The following MOK variants were observed in gnomAD, a reference collection of about 807,000 sequenced individuals.
MOK encodes MOK protein kinase.
In MOK, 59 loss-of-function variants were observed where a neutral mutation model predicts 54.2. The ratio of observed to expected loss-of-function variants is 1.09; its 90% confidence interval spans 0.88 to 1.35. The LOEUF (loss-of-function observed/expected upper bound fraction) is 1.35. Among genes scored for constraint, MOK ranks in the 40% most tolerant of loss-of-function variants. The pLI is 0.00. For synonymous variants in MOK, 210 were observed against 202.7 expected (o/e 1.04, Z -0.31); for missense variants, 517 against 526.2 (o/e 0.98, Z 0.17).
chr14:102,222,130 A>G (rs566358433), downstream of MOK, among the ~76,000 whole-genome samples: 117 of 139,336 alleles, frequency 8.4e-4, no homozygotes, highest in Non-Finnish European at 1.5e-3. The surrounding 1 kb of genome is among the most constrained non-coding windows in gnomAD (Gnocchi z 4.4). Flanking sequence ...GAGCCGCCCT[A>G]AAGAGCCAGA....
intron 2 of MOK, among the ~76,000 whole-genome samples, chr14:102,273,286 A>C (rs2068550891): frequency 6.6e-6 from 1 of 152,078 alleles, no homozygotes; most frequent in Non-Finnish European, 1.5e-5. Context: ...AGAACAAAAA[A>C]AAAAAAAAAA....
At position 102,280,225 on chromosome 14, in the gene MOK, G is replaced by A. The variant is rs574754747; in HGVS notation, c.122+3253C>T. ...CGGCTTCCTTGTCAAAGAAGGCAGA[G>A]TGAGACAGGGTCTCACTCTGTCACC... On this transcript the variant is annotated intron_variant, in intron 2 of 11. Coordinates refer to ENST00000361847, the MANE Select transcript of MOK (RefSeq NM_014226.3). Among the ~76,000 whole-genome samples the A allele has an allele frequency of 3.9e-5, 6 of 151,958 alleles. No homozygotes were observed. The South Asian group carries it at 6.2e-4, about 16-fold the overall frequency.
At chr14:102,244,488 C>T (rs1320370072) in intron 7 of MOK, among the ~76,000 whole-genome samples, 1 of 152,186 alleles carries the variant, frequency 6.6e-6, no homozygotes, top group Non-Finnish European at 1.5e-5. Context: ...GAAATCTATC[C>T]TCAAGGAAAT....
chr14:102,297,047 G>C (rs1389337326), intron 1 of MOK, among the ~76,000 whole-genome samples: 1 of 151,658 alleles, frequency 6.6e-6, no homozygotes, highest in Admixed American at 6.6e-5. Flanking sequence ...AACACAGCGA[G>C]ACTCTGTCTC....
intron 1 of MOK, among the ~76,000 whole-genome samples, chr14:102,291,971 C>A (rs544979635): frequency 6.9e-6 from 1 of 144,830 alleles, no homozygotes; most frequent in Non-Finnish European, 1.5e-5. Context: ...AAAAAAAAAA[C>A]TAACAATAAT....
At chr14:102,285,622 C>T (rs1214332032) in intron 1 of MOK, among the ~76,000 whole-genome samples, 2 of 152,046 alleles carry the variant, frequency 1.3e-5, no homozygotes, top group South Asian at 2.1e-4. Flanking sequence ...TATCCCTGGC[C>T]GGCTCACACC....
At chr14:102,299,331 T>C (rs932051098) in intron 1 of MOK, among the ~76,000 whole-genome samples, 17 of 152,226 alleles carry the variant, frequency 1.1e-4, no homozygotes, top group Middle Eastern at 3.4e-3. Flanking sequence ...CTGGCCAACA[T>C]GGTGAAACCC....
intron 6 of MOK, 64 bp downstream of exon 6, chr14:102,251,692 T>G (rs1053859498): frequency 8.8e-6 from 12 of 1,364,740 alleles, no homozygotes; most frequent in Non-Finnish European, 1.1e-5. Context: ...GGAGAAAACC[T>G]TTCGGGAAAG....
rs71116891 is a variant in MOK at position 102,261,254 on chromosome 14, C to CA, written c.283+2291dup. Among the ~76,000 whole-genome samples, 62 of 86,808 alleles carry CA rather than the reference C, an allele frequency of 7.1e-4. 3 individuals are homozygous for CA. Among genetic ancestry groups the CA allele is most frequent in the East Asian group, 1.2e-3 (4 of 3,228 alleles). 56.9% of individuals were successfully genotyped at this position (86,808 alleles called of 152,430 possible). A position where few individuals can be genotyped will look rare whatever the true frequency, so the allele number is the denominator to read the frequency against. On this transcript the variant is annotated intron_variant, in intron 4 of 11. Coordinates refer to ENST00000361847, the MANE Select transcript of MOK (RefSeq NM_014226.3). Reference sequence around the variant, plus strand: ...TGGCAACAGAGCGAGACTCTGCCTACAAAAAAAAAAAAAAATTAGCCAAGT... The same window carrying CA: ...TGGCAACAGAGCGAGACTCTGCCTACAAAAAAAAAAAAAAAATTAGCCAAGT...
rs764094945 is a variant in MOK, at chr14:102,256,818, C to G, written c.284-4823G>C. Among the ~76,000 whole-genome samples, 4 of 152,180 alleles carry G rather than the reference C, an allele frequency of 2.6e-5. No homozygotes were observed. The East Asian group carries it at 7.7e-4, about 29-fold the overall frequency. ...TATGAGGGAAACTAAACCTCCTTTA[C>G]GGTTTTTCCTTCATAAATTCCAAGA... On this transcript the variant is annotated intron_variant, in intron 4 of 11. Transcript: ENST00000361847.
chr14:102,286,999 G>T (rs915483770), intron 1 of MOK, among the ~76,000 whole-genome samples: 1 of 151,868 alleles, frequency 6.6e-6, no homozygotes, highest in East Asian at 1.9e-4. Flanking sequence ...TCTGTCTGAG[G>T]TTACAGGTGT....
At chr14:102,274,843 TG>T (rs2068706110) in intron 2 of MOK, among the ~76,000 whole-genome samples, 1 of 151,620 alleles carries the variant, frequency 6.6e-6, no homozygotes, top group South Asian at 2.1e-4. Flanking sequence ...GGCATGGTGG[TG>T]GGTGCCTGTA....
At chr14:102,229,861 G>T (rs950993289) in intron 10 of MOK, 16 of 581,212 alleles carry the variant, frequency 2.8e-5, no homozygotes, top group Non-Finnish European at 4.2e-5. Context: ...CAAACCTTCA[G>T]GGGGAACCTG....
At chr14:102,239,150 T>A (rs2065475675) in intron 7 of MOK, among the ~76,000 whole-genome samples, 1 of 152,034 alleles carries the variant, frequency 6.6e-6, no homozygotes, top group African/African-American at 2.4e-5. Context: ...CCAACAGCTC[T>A]CCCAGTCCCT....
In MOK at chr14:102,231,823, T is replaced by G. The variant is rs1054183630; in HGVS notation, c.867-2A>C. ...CCCAGAGCCCGCTTCTCTGTTTTCC[T>G]ACGGGGAAGGAGAAGAGAATGGAGC... On this transcript the variant is annotated splice_acceptor_variant, in intron 9 of 11. Transcript: ENST00000361847. LOFTEE classifies it high-confidence loss of function. This position sits in a 1 kb window ranked among gnomAD's most constrained non-coding sequence, Gnocchi z 4.4. 1.9e-6 allele frequency: 3 copies of G among 1,610,328 alleles called. No individual in the cohort carries two copies. The highest frequency in any genetic ancestry group is 2.5e-6 in the Non-Finnish European group (3 of 1,177,498).
chr14:102,246,941 A>G (rs1216343328), intron 7 of MOK, among the ~76,000 whole-genome samples: 1 of 152,104 alleles, frequency 6.6e-6, no homozygotes, highest in Non-Finnish European at 1.5e-5. Context: ...AAAGCCACCA[A>G]CAATAAAGAC....
intron 4 of MOK, chr14:102,260,718 G>A (rs921922999): frequency 6.6e-6 from 1 of 152,086 alleles, no homozygotes; most frequent in Non-Finnish European, 1.5e-5. Context: ...CTACTGCGAG[G>A]TCTGTTTTCT....
rs187531590 is a variant in MOK, at chr14:102,293,778, T to A, written c.8-10186A>T. Among the ~76,000 whole-genome samples, 265 of 152,116 alleles carry A rather than the reference T, an allele frequency of 1.7e-3. 1 individual carries two copies. Among genetic ancestry groups the A allele is most frequent in the African/African-American group, 5.9e-3 (244 of 41,526 alleles). On this transcript the variant is annotated intron_variant, in intron 1 of 11. Coordinates refer to ENST00000361847, the MANE Select transcript of MOK (RefSeq NM_014226.3). ...ACTGAATATAAATATGTAATTTTTT[T>A]AATGTATCTGAGTGGGACTGAAGGT...
chr14:102,283,771 A>G (rs988058291), intron 1 of MOK, among the ~76,000 whole-genome samples, 179 bp from the exon 2 acceptor site: 3 of 152,170 alleles, frequency 2.0e-5, no homozygotes, highest in Non-Finnish European at 4.4e-5. Context: ...GGAACAAAGC[A>G]TCATTTCCTT....
Sources: gnomAD v4.1 joint callset for allele counts (sites outside exome capture counted in the v4.1 genomes callset) on GRCh38, gnomAD v4.1.1 for gene constraint, Gnocchi (gnomAD v3.1) non-coding constraint, MANE v1.5 for transcripts, NCBI Gene and HGNC (gene_info 2026-07-23, HGNC 2026-07-21) for gene names.